TRIM37: variants seen among roughly 807,000 people sequenced by gnomAD.
TRIM37 encodes tripartite motif containing 37.
In TRIM37, 80 loss-of-function variants were observed where a neutral mutation model predicts 129.8. That is an observed-to-expected ratio of 0.62 (90% CI 0.51 to 0.74). The LOEUF (loss-of-function observed/expected upper bound fraction) is 0.74. Ranked by LOEUF, TRIM37 falls within the 30% of genes least tolerant of loss-of-function variation. The pLI is 0.00. For missense variants in TRIM37, 1,054 were observed against 1,176.5 expected, an observed-to-expected ratio of 0.90 and a Z score of 1.52; for synonymous variants, 389 against 387.1, an observed-to-expected ratio of 1.00 and a Z score of -0.06.
chr17:59,044,725 G>A (rs1383525435), intron 16 of TRIM37, among the ~76,000 whole-genome samples: 1 of 152,178 alleles, frequency 6.6e-6, no homozygotes, highest in Admixed American at 6.5e-5. Context: ...AGGGGAGGAT[G>A]TGCATAGGTT....
At position 59,091,184 on chromosome 17, in the gene TRIM37, A is replaced by G. The variant is rs551245839; in HGVS notation, c.164+116T>C. On this transcript the variant is annotated intron_variant, in intron 3 of 23. Coordinates refer to ENST00000262294, the MANE Select transcript of TRIM37 (RefSeq NM_015294.6). The stretch of plus-strand genomic sequence containing the variant: ...TCAAATTGCTTATTTCTACTCAACT[A>G]TCTTCACGAAGAAGAGAAATGGGCA... 1.3e-5 allele frequency: 7 copies of G among 556,232 alleles called. No individual in the cohort carries two copies. In the South Asian group the frequency reaches 1.5e-4, roughly 12 times the overall value. 34.5% of individuals were successfully genotyped at this position (556,232 alleles called of 1,614,324 possible).
intron 22 of TRIM37, among the ~76,000 whole-genome samples, chr17:59,003,371 T>C (rs2034034319): frequency 6.6e-6 from 1 of 152,116 alleles, no homozygotes; most frequent in South Asian, 2.1e-4. Context: ...TTTAAGAAAT[T>C]AACATAAAAA....
chr17:59,056,885 C>T lies in TRIM37; in HGVS notation c.1189G>A (p.Val397Met), dbSNP rs148604776. The change falls in exon 13 of 24, where the codon GTG (valine) becomes ATG (methionine). Residue 397 changes from valine to methionine, a missense_variant. Coordinates refer to ENST00000262294, the MANE Select transcript of TRIM37 (RefSeq NM_015294.6). ...EGYLNPQNDT[V>M]ILRFQVRSPT... ...AATTTTTCCTGTTACCTTAAAATCA[C>T]TGTATCATTTTGTGGATTCAAGTAT... 11 of 1,613,672 alleles carry T rather than the reference C, an allele frequency of 6.8e-6. No individual in the cohort carries two copies. In the Admixed American group the frequency reaches 1.0e-4, roughly 15 times the overall value.
chr17:59,075,929 A>C (rs1047452951), intron 7 of TRIM37, among the ~76,000 whole-genome samples: 1 of 152,248 alleles, frequency 6.6e-6, no homozygotes, highest in Non-Finnish European at 1.5e-5. Flanking sequence ...AATTAGTTTT[A>C]GACAAGATAC....
chr17:59,068,042 G>A (rs564033079), intron 9 of TRIM37, among the ~76,000 whole-genome samples: 4 of 152,156 alleles, frequency 2.6e-5, no homozygotes, highest in South Asian at 2.1e-4. Context: ...TTAATGTCAC[G>A]AATGCTGATC....
At chr17:59,050,489 T>A (rs1471689304) in intron 14 of TRIM37, among the ~76,000 whole-genome samples, 1 of 150,544 alleles carries the variant, frequency 6.6e-6, no homozygotes, top group Non-Finnish European at 1.5e-5. Context: ...GCCCAGGAGT[T>A]CAAGACCAGC....
At chr17:59,052,319 G>A (rs930404473) in intron 13 of TRIM37, among the ~76,000 whole-genome samples, 1 of 151,928 alleles carries the variant, frequency 6.6e-6, no homozygotes, top group Non-Finnish European at 1.5e-5. Context: ...ATGTGTGAAG[G>A]TGTTTTTGAA....
chr17:59,077,267 C>CTTTTT (rs757122066), intron 7 of TRIM37, among the ~76,000 whole-genome samples: 1 of 124,462 alleles, frequency 8.0e-6, no homozygotes, highest in Non-Finnish European at 1.7e-5. Flanking sequence ...GCTAATTTTT[C>CTTTTT]TTTTTTTTTT....
intron 19 of TRIM37, among the ~76,000 whole-genome samples, chr17:59,018,562 T>C (rs1182180029): frequency 1.3e-5 from 2 of 152,174 alleles, no homozygotes; most frequent in Non-Finnish European, 2.9e-5. Context: ...ATGTGAGACT[T>C]GTCCACTGAA....
downstream of TRIM37, among the ~76,000 whole-genome samples, chr17:58,997,260 G>C (rs2033103226): frequency 6.6e-6 from 1 of 152,066 alleles, no homozygotes; most frequent in African/African-American, 2.4e-5. Flanking sequence ...GGAAACTCTT[G>C]CACAATTTTT....
rs2043369356 is a variant in TRIM37 at position 59,082,282 on chromosome 17, A to G, written c.370-1063T>C. Reference sequence around the variant, plus strand: ...TGAGACTCTGTCTCAAAAAAACAAAACAAAACAAATAATAATAATAATTCT... The same window carrying G: ...TGAGACTCTGTCTCAAAAAAACAAAGCAAAACAAATAATAATAATAATTCT... On this transcript the variant is annotated intron_variant, in intron 5 of 23. Transcript: ENST00000262294. Among the ~76,000 whole-genome samples the G allele has an allele frequency of 2.6e-5, 4 of 152,226 alleles. No individual in the cohort carries two copies. The South Asian group carries it at 8.3e-4, about 32-fold the overall frequency.
intron 22 of TRIM37, among the ~76,000 whole-genome samples, chr17:59,007,952 T>C (rs1413378277): frequency 6.6e-6 from 1 of 151,930 alleles, no homozygotes; most frequent in Non-Finnish European, 1.5e-5. Flanking sequence ...AAATAAAGAG[T>C]CTTGTTTTTC....
At chr17:58,986,908 C>CCCTT (rs997667681) in intron 24 of TRIM37, among the ~76,000 whole-genome samples, 1 of 152,188 alleles carries the variant, frequency 6.6e-6, no homozygotes, top group African/African-American at 2.4e-5. Context: ...TATGGAAGAT[C>CCCTT]CCTTACTTAC....
intron 22 of TRIM37, among the ~76,000 whole-genome samples, chr17:59,004,939 C>A (rs1307870968): frequency 6.6e-6 from 1 of 152,018 alleles, no homozygotes; most frequent in Admixed American, 6.6e-5. Flanking sequence ...AACAAAAAAA[C>A]AAACTTTCCT....
chr17:59,011,866 A>G (rs956714381), intron 22 of TRIM37, among the ~76,000 whole-genome samples: 5 of 152,214 alleles, frequency 3.3e-5, no homozygotes, highest in African/African-American at 9.6e-5. Flanking sequence ...TTACTATTCT[A>G]ATTAGTTGTT....
intron 19 of TRIM37, among the ~76,000 whole-genome samples, chr17:59,019,633 G>A (rs1463587837): frequency 1.3e-5 from 2 of 151,894 alleles, no homozygotes; most frequent in Non-Finnish European, 2.9e-5. Flanking sequence ...GCGTGAACCC[G>A]GGAAGCGGAG....
chr17:58,975,760 G>A, the TRIM37 span, among the ~76,000 whole-genome samples: 2 of 152,178 alleles, frequency 1.3e-5, no homozygotes, highest in Non-Finnish European at 1.5e-5. Flanking sequence ...AGGTGAATAC[G>A]CAGAGGGGCC....
intron 18 of TRIM37, among the ~76,000 whole-genome samples, chr17:59,029,854 T>C (rs980561942): frequency 1.3e-5 from 2 of 152,174 alleles, no homozygotes; most frequent in African/African-American, 2.4e-5. Context: ...AAGAAAGTCA[T>C]ATATTTCTGC....
chr17:59,042,354 G>A (rs1465786012), intron 16 of TRIM37, among the ~76,000 whole-genome samples: 11 of 133,008 alleles, frequency 8.3e-5, no homozygotes, highest in African/African-American at 2.6e-4. Flanking sequence ...CAGCCTGGGC[G>A]ACAGAGCGAG....
Sources: gnomAD v4.1 joint callset for allele counts (sites outside exome capture counted in the v4.1 genomes callset) on GRCh38, gnomAD v4.1.1 for gene constraint, MANE v1.5 for transcripts, NCBI Gene and HGNC (gene_info 2026-07-23, HGNC 2026-07-21) for gene names.